Variants in CACNA1D observed in about 807,000 individuals in gnomAD.
The protein encoded by CACNA1D is voltage-dependent L-type calcium channel subunit alpha-1D.
A neutral mutation model predicts 257.1 loss-of-function variants in CACNA1D; 55 were observed. The observed-to-expected ratio is 0.21, with a 90% CI of 0.17 to 0.27. The LOEUF (loss-of-function observed/expected upper bound fraction) is 0.27. Among genes scored for constraint, CACNA1D ranks in the 10% least tolerant of loss-of-function variants. CACNA1D has a pLI of 1.00. For synonymous variants in CACNA1D, 980 were observed against 1,014.9 expected (o/e 0.97, Z 0.65); for missense variants, 1,876 against 2,784.0 (o/e 0.67, Z 7.34).
At position 53,619,890 on chromosome 3, in the gene CACNA1D, C is replaced by T. The variant is rs79542393; in HGVS notation, c.484-30889C>T. On this transcript the variant is annotated intron_variant, in intron 3 of 47. Coordinates refer to ENST00000350061, the MANE Select transcript of CACNA1D (RefSeq NM_001128840.3). The stretch of plus-strand genomic sequence containing the variant: ...ATTGAACAAATAGTTATTGAATGTC[C>T]GCTTGGTGCCTGGCCCTGTGCTAAG... Among the ~76,000 whole-genome samples, 572 of 152,224 alleles carry T rather than the reference C, an allele frequency of 3.8e-3. 13 individuals carry two copies. Among genetic ancestry groups the T allele is most frequent in the East Asian group, 0.035 (181 of 5,178 alleles).
intron 3 of CACNA1D, among the ~76,000 whole-genome samples, chr3:53,504,990 C>G (rs750237468): frequency 6.6e-6 from 1 of 152,150 alleles, no homozygotes; most frequent in Non-Finnish European, 1.5e-5. Context: ...GATGGCTGCA[C>G]TCACCTCTAA....
At chr3:53,711,697 G>C (rs1330662511) in intron 9 of CACNA1D, among the ~76,000 whole-genome samples, 10 of 152,238 alleles carry the variant, frequency 6.6e-5, no homozygotes. Flanking sequence ...GAGCTGAGAG[G>C]TTATGGGACG....
At chr3:53,515,963 ACT>A (rs1178017906) in intron 3 of CACNA1D, among the ~76,000 whole-genome samples, 1 of 151,814 alleles carries the variant, frequency 6.6e-6, no homozygotes, top group Non-Finnish European at 1.5e-5. Flanking sequence ...GAGAGTGGAG[ACT>A]CTGGAGGAAG....
rs2095534349 is a variant in CACNA1D, at chr3:53,801,254, T to C, written c.5237T>C (p.Ile1746Thr). ...CATAACCATCATAACCATAATTCCA[T>C]AGGAAAGCAAGTTCCCACCTCAACA... The part of the protein sequence containing the change: ...VCHNHHNHNS[I>T]GKQVPTSTNA... Residue 1746 changes from isoleucine (I) to threonine (T), a missense_variant, in exon 42 of 48, where the codon ATA (isoleucine) becomes ACA (threonine). Physicochemically the swap from Ile to Thr is moderately conservative, Grantham distance 89. Around this residue, in one of 10 missense-constraint regions of CACNA1D, gnomAD observed 160 missense variants for 236.6 expected, o/e 0.68. Transcript: ENST00000350061. The C allele has an allele frequency of 3.1e-6, 5 of 1,613,950 alleles. No individual in the cohort carries two copies. Among genetic ancestry groups the C allele is most frequent in the African/African-American group, 2.7e-5 (2 of 74,968 alleles).
intron 3 of CACNA1D, among the ~76,000 whole-genome samples, chr3:53,522,144 C>A (rs1329115227): frequency 2.6e-5 from 4 of 151,984 alleles, no homozygotes; most frequent in South Asian, 2.1e-4. Flanking sequence ...GGAAAAAAAA[C>A]CACATTTCCA....
At chr3:53,670,301 GT>G (rs1190030929) in intron 7 of CACNA1D, among the ~76,000 whole-genome samples, 1 of 152,160 alleles carries the variant, frequency 6.6e-6, no homozygotes, top group Non-Finnish European at 1.5e-5. Flanking sequence ...CCTTGCATTG[GT>G]CTATAACTTG....
intron 2 of CACNA1D, among the ~76,000 whole-genome samples, chr3:53,498,195 C>T (rs939743057): frequency 2.0e-5 from 3 of 152,162 alleles, no homozygotes; most frequent in African/African-American, 7.2e-5. Context: ...AGTTATAGAA[C>T]AGCCTTTTCA....
chr3:53,776,582 C>T, intron 35 of CACNA1D, 21 bp from the exon 36 acceptor site: 1 of 1,614,108 alleles, frequency 6.2e-7, no homozygotes, highest in South Asian at 1.1e-5. Context: ...GAAGTTCTTC[C>T]TTTCCTATTT....
At chr3:53,612,544 G>A (rs1050968048) in intron 3 of CACNA1D, among the ~76,000 whole-genome samples, 2 of 152,246 alleles carry the variant, frequency 1.3e-5, no homozygotes, top group Admixed American at 6.5e-5. Flanking sequence ...CACAGTTTCA[G>A]AGTTGCTTTT....
chr3:53,583,909 T>C (rs981531622), intron 3 of CACNA1D, among the ~76,000 whole-genome samples: 1 of 152,236 alleles, frequency 6.6e-6, no homozygotes, highest in Non-Finnish European at 1.5e-5. Flanking sequence ...TTTCCTTTTT[T>C]AGAAAAGTTC....
chr3:53,580,077 C>T (rs1340183173), intron 3 of CACNA1D, among the ~76,000 whole-genome samples: 1 of 152,214 alleles, frequency 6.6e-6, no homozygotes, highest in African/African-American at 2.4e-5. Context: ...CATTGCCCTA[C>T]AACTGGCCAC....
At chr3:53,616,152 G>A (rs2093634031) in intron 3 of CACNA1D, among the ~76,000 whole-genome samples, 1 of 152,208 alleles carries the variant, frequency 6.6e-6, no homozygotes. Flanking sequence ...TGCAGGTGAA[G>A]TGAATTGTGA....
chr3:53,520,368 T>G (rs997455721), intron 3 of CACNA1D, among the ~76,000 whole-genome samples: 1 of 152,272 alleles, frequency 6.6e-6, no homozygotes, highest in Non-Finnish European at 1.5e-5. Flanking sequence ...ATTGTAGTTT[T>G]GATTTGCATT....
chr3:53,805,570 G>C (rs1025923222), intron 45 of CACNA1D, among the ~76,000 whole-genome samples: 8 of 152,144 alleles, frequency 5.3e-5, no homozygotes, highest in Admixed American at 5.2e-4. Flanking sequence ...CTCAAGTGCA[G>C]AGCTGGCTGT....
intron 3 of CACNA1D, among the ~76,000 whole-genome samples, chr3:53,549,121 A>G (rs1006506144): frequency 2.0e-5 from 3 of 152,230 alleles, no homozygotes; most frequent in Non-Finnish European, 4.4e-5. Flanking sequence ...ACAGTCTGCA[A>G]ATTAAATCAC....
At chr3:53,533,614 C>T (rs964703556) in intron 3 of CACNA1D, among the ~76,000 whole-genome samples, 4 of 152,148 alleles carry the variant, frequency 2.6e-5, no homozygotes, top group African/African-American at 4.8e-5. Flanking sequence ...GTGCAGGGAC[C>T]GCAGCACTCA....
At chr3:53,630,331 G>GT (rs1418205994) in intron 3 of CACNA1D, among the ~76,000 whole-genome samples, 1 of 152,132 alleles carries the variant, frequency 6.6e-6, no homozygotes, top group Non-Finnish European at 1.5e-5. Flanking sequence ...AATGTCTATG[G>GT]TTTTTTCTTT....
Position 53,506,790 on chromosome 3 carries a change from A to C in CACNA1D, c.483+5070A>C, listed in dbSNP as rs2090865772. Among the ~76,000 whole-genome samples, 3 of 152,266 alleles carry C rather than the reference A, an allele frequency of 2.0e-5. 1 individual carries two copies. The highest frequency in any genetic ancestry group is 4.4e-5 in the Non-Finnish European group (3 of 68,048). ...AATTTAACTATTAAAGAGAGAAGAA[A>C]GACAAGTACTTGATACTTTTTGAAT... On this transcript the variant is annotated intron_variant, in intron 3 of 47. Transcript: ENST00000350061.
chr3:53,495,429 T>G lies in CACNA1D; in HGVS notation c.67+196T>G, dbSNP rs1163533008. Among the ~76,000 whole-genome samples, 1 of 152,102 alleles carries G rather than the reference T, an allele frequency of 6.6e-6. No individual in the cohort carries two copies. The highest frequency in any genetic ancestry group is 1.5e-5 in the Non-Finnish European group (1 of 68,010). ...CCCTCCAGGCCCTGAATGTCAGAGT[T>G]AATTCTGCATTTGTGGGGTGGGGGC... is the stretch of plus-strand genomic sequence containing the variant. On this transcript the variant is annotated intron_variant, in intron 1 of 47. Coordinates refer to ENST00000350061, the MANE Select transcript of CACNA1D (RefSeq NM_001128840.3). This position sits in a 1 kb window ranked among gnomAD's most constrained non-coding sequence, Gnocchi z 5.1.
Sources: allele counts gnomAD v4.1 joint callset (sites outside exome capture counted in the v4.1 genomes callset), GRCh38; gene constraint gnomAD v4.1.1; regional missense constraint gnomAD v4.1.1; non-coding constraint Gnocchi (gnomAD v3.1); transcripts MANE v1.5; gene names NCBI Gene and HGNC (gene_info 2026-07-23, HGNC 2026-07-21).